The following FAR2 variants were observed in gnomAD, a reference collection of about 807,000 sequenced individuals.
FAR2 encodes fatty acyl-CoA reductase 2, also known as epididymis secretory protein Li 81.
Under a neutral mutation model 56.0 loss-of-function variants are expected in FAR2, and 19 were observed. That is an observed-to-expected ratio of 0.34 (90% CI 0.24 to 0.50). The LOEUF (loss-of-function observed/expected upper bound fraction) is 0.50, where lower values mean the gene tolerates loss of function less well. Among genes scored for constraint, FAR2 ranks in the 20% least tolerant of loss-of-function variants. The pLI is 0.98. For missense variants in FAR2, 508 were observed against 642.2 expected, an observed-to-expected ratio of 0.79 and a Z score of 2.26; for synonymous variants, 219 against 218.8, an observed-to-expected ratio of 1.00 and a Z score of -0.01.
At chr12:29,285,798 A>C (rs1402270900) in intron 2 of FAR2, among the ~76,000 whole-genome samples, 1 of 152,072 alleles carries the variant, frequency 6.6e-6, no homozygotes, top group Non-Finnish European at 1.5e-5. Flanking sequence ...ACGTGCCTGT[A>C]GTCCCAGCTA....
chr12:29,189,229 A>G lies in FAR2; in HGVS notation c.-39+39822A>G, dbSNP rs557085010. ...TATTCCTCACTTATCTCTTTATTCA[A>G]ACATTTATTTATTTATATCAGTACA... On this transcript the variant is annotated intron_variant, in intron 1 of 11. Coordinates refer to ENST00000536681, the MANE Select transcript of FAR2 (RefSeq NM_001271783.2). 1.2e-4 allele frequency among the ~76,000 whole-genome samples: 18 copies of G among 152,138 alleles called. No individual in the cohort carries two copies. In the South Asian group the frequency reaches 3.7e-3, roughly 32 times the overall value.
At chr12:29,274,598 C>T (rs553705385) in intron 2 of FAR2, among the ~76,000 whole-genome samples, 47 of 152,174 alleles carry the variant, frequency 3.1e-4, no homozygotes, top group African/African-American at 1.0e-3. Context: ...CCCCTGTGAC[C>T]TGCACGTACA....
intron 1 of FAR2, among the ~76,000 whole-genome samples, chr12:29,246,814 A>C (rs932997427): frequency 1.3e-5 from 2 of 152,142 alleles, no homozygotes; most frequent in Non-Finnish European, 2.9e-5. Flanking sequence ...TGATTTTTAA[A>C]TAGAATTGCA....
chr12:29,249,176 G>A (rs1948171564), intron 1 of FAR2, among the ~76,000 whole-genome samples: 2 of 152,202 alleles, frequency 1.3e-5, no homozygotes, highest in South Asian at 4.1e-4. Flanking sequence ...TACAATTTAT[G>A]TTTAGAGATT....
chr12:29,326,902 G>C (rs998927341), intron 10 of FAR2, among the ~76,000 whole-genome samples: 1 of 152,082 alleles, frequency 6.6e-6, no homozygotes, highest in Admixed American at 6.6e-5. Context: ...GTTCTGGCCA[G>C]GGCAATCAGG....
At chr12:29,270,342 A>T in intron 1 of FAR2, 70 bp from the exon 2 acceptor site, 2 of 1,220,036 alleles carry the variant, frequency 1.6e-6, no homozygotes, top group Non-Finnish European at 2.2e-6. Context: ...AGCAACAGAA[A>T]CATTTTAAGT....
chr12:29,318,236 GA>G (rs1235109788), intron 9 of FAR2, among the ~76,000 whole-genome samples: 1 of 152,206 alleles, frequency 6.6e-6, no homozygotes, highest in South Asian at 2.1e-4. Flanking sequence ...AATTTTTAAA[GA>G]CCTCATTTGG....
intron 1 of FAR2, among the ~76,000 whole-genome samples, chr12:29,248,111 A>T (rs1948156338): frequency 6.6e-6 from 1 of 152,228 alleles, no homozygotes; most frequent in Admixed American, 6.5e-5. Context: ...CAATTACTTT[A>T]GTGCAACTAG....
At chr12:29,307,196 A>C (rs527573702) in intron 4 of FAR2, among the ~76,000 whole-genome samples, 1 of 152,264 alleles carries the variant, frequency 6.6e-6, no homozygotes, top group African/African-American at 2.4e-5. Flanking sequence ...TGTACTTATG[A>C]GCTTGCTAGA....
intron 4 of FAR2, among the ~76,000 whole-genome samples, chr12:29,305,009 G>C (rs528215265): frequency 4.1e-4 from 63 of 152,292 alleles, no homozygotes; most frequent in Non-Finnish European, 8.8e-4. Flanking sequence ...CCAACCAGTG[G>C]ATGTGCATGT....
intron 1 of FAR2, among the ~76,000 whole-genome samples, chr12:29,219,772 C>G (rs1947664310): frequency 6.6e-6 from 1 of 152,062 alleles, no homozygotes; most frequent in Non-Finnish European, 1.5e-5. Flanking sequence ...TCCAGAAGAC[C>G]CCCAAAGGAG....
chr12:29,245,074 G>C (rs1009478362), intron 1 of FAR2, among the ~76,000 whole-genome samples: 2 of 151,672 alleles, frequency 1.3e-5, no homozygotes, highest in African/African-American at 4.8e-5. Context: ...TCCGTCTCCC[G>C]GGTTCAAGCG....
intron 1 of FAR2, among the ~76,000 whole-genome samples, chr12:29,258,113 G>A (rs1297857376): frequency 6.6e-6 from 1 of 151,916 alleles, no homozygotes; most frequent in East Asian, 1.9e-4. Context: ...GGAGGCTGAG[G>A]CGGGTGGATC....
At chr12:29,247,136 AG>A (rs1384066627) in intron 1 of FAR2, among the ~76,000 whole-genome samples, 1 of 152,182 alleles carries the variant, frequency 6.6e-6, no homozygotes, top group Non-Finnish European at 1.5e-5. Context: ...TTAGGAAATA[AG>A]GATTTCCAGT....
chr12:29,218,001 A>AGGC (rs1947642721), intron 1 of FAR2, among the ~76,000 whole-genome samples: 1 of 152,094 alleles, frequency 6.6e-6, no homozygotes. Context: ...GAGGAGGAGG[A>AGGC]GGAGGAAGAA....
chr12:29,236,796 G>A (rs1421492047), intron 1 of FAR2, among the ~76,000 whole-genome samples: 4 of 152,054 alleles, frequency 2.6e-5, no homozygotes, highest in African/African-American at 7.2e-5. Flanking sequence ...ATGGGCCTTA[G>A]TATCTTGTTT....
At chr12:29,221,358 G>A (rs558431234) in intron 1 of FAR2, among the ~76,000 whole-genome samples, 2 of 152,024 alleles carry the variant, frequency 1.3e-5, no homozygotes, top group Non-Finnish European at 2.9e-5. Context: ...TGGTCGGGGC[G>A]GGGAGCCTTT....
At chr12:29,285,494 T>A (rs1467449677) in intron 2 of FAR2, among the ~76,000 whole-genome samples, 1 of 151,464 alleles carries the variant, frequency 6.6e-6, no homozygotes, top group South Asian at 2.1e-4. Context: ...AGCTGAAGGA[T>A]GTTCAACCTC....
intron 1 of FAR2, among the ~76,000 whole-genome samples, chr12:29,202,176 T>C (rs1947425443): frequency 1.3e-5 from 2 of 152,190 alleles, no homozygotes; most frequent in African/African-American, 4.8e-5. Flanking sequence ...GTTGTCACCA[T>C]CATTTTACAA....
Sources: allele counts gnomAD v4.1 joint callset (sites outside exome capture counted in the v4.1 genomes callset), GRCh38; gene constraint gnomAD v4.1.1; transcripts MANE v1.5; gene names NCBI Gene and HGNC (gene_info 2026-07-23, HGNC 2026-07-21).